N4BP2: variants seen among roughly 807,000 people sequenced by gnomAD.
N4BP2 encodes the protein NEDD4-binding protein 2.
N4BP2 carries 91 observed loss-of-function variants against 152.8 expected under a neutral mutation model. The ratio of observed to expected loss-of-function variants is 0.60; its 90% CI spans 0.50 to 0.71. N4BP2 has a LOEUF of 0.71. N4BP2 is among the 30% of genes least tolerant of loss of function. The pLI, the probability that N4BP2 is intolerant of heterozygous loss-of-function variation, is 0.00. For missense variants in N4BP2, 1,923 were observed against 2,059.1 expected (o/e 0.93, Z 1.28); for synonymous variants, 646 against 705.3 (o/e 0.92, Z 1.33).
At chr4:40,098,574 T>A (rs777649946) in intron 3 of N4BP2, among the ~76,000 whole-genome samples, 7 of 152,180 alleles carry the variant, frequency 4.6e-5, no homozygotes, top group Non-Finnish European at 7.4e-5. Flanking sequence ...GTTTTGGTAA[T>A]GTGTTATAAA....
intron 4 of N4BP2, among the ~76,000 whole-genome samples, chr4:40,105,259 A>G (rs1447725810): frequency 6.6e-6 from 1 of 152,064 alleles, no homozygotes; most frequent in African/African-American, 2.4e-5. Context: ...ACAAGCTCTG[A>G]TGATGGAGTT....
chr4:40,143,498 A>G (rs1720239387), intron 15 of N4BP2, among the ~76,000 whole-genome samples: 1 of 152,022 alleles, frequency 6.6e-6, no homozygotes, highest in Non-Finnish European at 1.5e-5. Context: ...ATGGGGTCTT[A>G]CCATGTTGTC....
the N4BP2 span, among the ~76,000 whole-genome samples, chr4:40,173,959 T>C: frequency 1.3e-5 from 2 of 152,178 alleles, no homozygotes; most frequent in African/African-American, 2.4e-5. Context: ...TGGGCTTATT[T>C]CTAATTATAA....
At position 40,136,991 on chromosome 4, in the gene N4BP2, G is replaced by A; in HGVS notation, c.4694G>A (p.Gly1565Glu). Residue 1565 changes from glycine (G) to glutamate (E), a missense_variant, in exon 14 of 18, where the codon GGG becomes GAG. Transcript: ENST00000261435. ...CAATTTCTTAACTGTGTTCTTGAAGGGGACCCTGTAAAAACAGTTGTAGCC... is the reference window on the plus strand; with the variant it reads ...CAATTTCTTAACTGTGTTCTTGAAGAGGACCCTGTAAAAACAGTTGTAGCC... ...TVQFLNCVLE[G>E]DPVKTVVAQE... The A allele has an allele frequency of 6.2e-7, 1 of 1,613,538 alleles. No homozygotes were observed. The highest frequency in any genetic ancestry group is 1.1e-5 in the South Asian group (1 of 91,036).
chr4:40,147,798 C>T (rs1468069691), intron 16 of N4BP2, among the ~76,000 whole-genome samples: 5 of 151,428 alleles, frequency 3.3e-5, no homozygotes, highest in African/African-American at 1.2e-4. Flanking sequence ...CGGAGGGGCT[C>T]CTCACTTCTC....
chr4:40,173,264 C>G, the N4BP2 span, among the ~76,000 whole-genome samples: 1 of 152,130 alleles, frequency 6.6e-6, no homozygotes, highest in African/African-American at 2.4e-5. Context: ...CCCAAAATTG[C>G]AAAAGGTAGC....
At chr4:40,173,140 C>T in the N4BP2 span, among the ~76,000 whole-genome samples, 1 of 151,942 alleles carries the variant, frequency 6.6e-6, no homozygotes, top group Non-Finnish European at 1.5e-5. Context: ...ATCTCTTGCG[C>T]ATCAGGCCAA....
intron 1 of N4BP2, among the ~76,000 whole-genome samples, chr4:40,061,359 T>G (rs1004442010): frequency 6.6e-6 from 1 of 151,188 alleles, no homozygotes; most frequent in Admixed American, 6.6e-5. Context: ...TATTTCATTT[T>G]ATTTATTTAT....
chr4:40,094,977 C>A (rs935829682), intron 2 of N4BP2, among the ~76,000 whole-genome samples: 1 of 152,046 alleles, frequency 6.6e-6, no homozygotes, highest in Non-Finnish European at 1.5e-5. Flanking sequence ...AGAATTTTGC[C>A]ATTTTGGCCA....
downstream of N4BP2, among the ~76,000 whole-genome samples, chr4:40,159,977 G>C (rs1721813010): frequency 6.6e-6 from 1 of 151,824 alleles, no homozygotes; most frequent in African/African-American, 2.4e-5. Flanking sequence ...CCACCACCAT[G>C]CCTGACTCAT....
At chr4:40,077,819 T>C (rs982308537) in intron 2 of N4BP2, 1 of 152,194 alleles carries the variant, frequency 6.6e-6, no homozygotes, top group Non-Finnish European at 1.5e-5. Context: ...CGAGGTAAAT[T>C]ATTCAAACTT....
At chr4:40,087,562 G>A (rs1365381061) in intron 2 of N4BP2, among the ~76,000 whole-genome samples, 1 of 151,698 alleles carries the variant, frequency 6.6e-6, no homozygotes, top group African/African-American at 2.4e-5. Context: ...ACTGGGTTTT[G>A]CCATGTTGCG....
rs190221856 is a variant in N4BP2, at chr4:40,132,376, A to C, written c.4646+457A>C. Among the ~76,000 whole-genome samples the C allele has an allele frequency of 5.3e-5, 8 of 152,120 alleles. No homozygotes were observed. In the East Asian group the frequency reaches 1.4e-3, roughly 26 times the overall value. On this transcript the variant is annotated intron_variant, in intron 13 of 17. Coordinates refer to ENST00000261435, the MANE Select transcript of N4BP2 (RefSeq NM_018177.6). ...TCTGTTATGTCCTAATATTATAAAAATTTTTCTTTATTATTTTAAATGTCT... is the reference window on the plus strand; with the variant it reads ...TCTGTTATGTCCTAATATTATAAAACTTTTTCTTTATTATTTTAAATGTCT...
At chr4:40,141,054 C>T (rs991233256) in intron 14 of N4BP2, among the ~76,000 whole-genome samples, 3 of 151,984 alleles carry the variant, frequency 2.0e-5, no homozygotes, top group African/African-American at 4.8e-5. Context: ...CCACTTTCTA[C>T]TCCACAAAAC....
chr4:40,164,373 T>C, the N4BP2 span, among the ~76,000 whole-genome samples: 44 of 152,136 alleles, frequency 2.9e-4, no homozygotes, highest in African/African-American at 1.0e-3. Flanking sequence ...AGCATGGAGA[T>C]GATGGTAGTC....
At chr4:40,065,123 G>T (rs1733943931) in intron 1 of N4BP2, among the ~76,000 whole-genome samples, 1 of 152,146 alleles carries the variant, frequency 6.6e-6, no homozygotes, top group Admixed American at 6.6e-5. Flanking sequence ...TGTGAAATGG[G>T]CTACCTTGTG....
In N4BP2 at chr4:40,113,476, A is replaced by G. The variant is rs1717080241; in HGVS notation, c.1632A>G (p.Thr544=). 6.2e-7 allele frequency: 1 copy of G among 1,613,692 alleles called. No homozygotes were observed. The highest frequency in any genetic ancestry group is 8.5e-7 in the Non-Finnish European group (1 of 1,179,742). ...KYKVLFREPD[T]WWKFKPKELA... is the part of the protein sequence containing the mutation. ...AAGTCCTTTTTCGGGAACCAGACACATGGTGGAAGTTTAAACCAAAGGAAC... is the reference window on the plus strand; with the variant it reads ...AAGTCCTTTTTCGGGAACCAGACACGTGGTGGAAGTTTAAACCAAAGGAAC... The change falls in exon 7 of 18, where the codon ACA becomes ACG. Residue 544 remains threonine (T), a synonymous_variant. Coordinates refer to ENST00000261435, the MANE Select transcript of N4BP2 (RefSeq NM_018177.6).
the N4BP2 span, among the ~76,000 whole-genome samples, chr4:40,182,833 C>T: frequency 3.3e-5 from 5 of 151,994 alleles, no homozygotes; most frequent in Admixed American, 6.6e-5. Context: ...CCTGTCACCA[C>T]GCCCAGCTAA....
downstream of N4BP2, among the ~76,000 whole-genome samples, chr4:40,161,649 C>A (rs772662031): frequency 6.6e-6 from 1 of 152,016 alleles, no homozygotes; most frequent in Non-Finnish European, 1.5e-5. Flanking sequence ...TAAAATGATA[C>A]GATGTTAGCA....
Sources: allele counts gnomAD v4.1 joint callset (sites outside exome capture counted in the v4.1 genomes callset), GRCh38; gene constraint gnomAD v4.1.1; transcripts MANE v1.5; gene names NCBI Gene and HGNC (gene_info 2026-07-23, HGNC 2026-07-21).